The following RABEP1 variants were observed in gnomAD, a reference collection of about 807,000 sequenced individuals.
RABEP1 encodes rabaptin, RAB GTPase binding effector protein 1.
Under a neutral mutation model 123.4 loss-of-function variants are expected in RABEP1, and 51 were observed. The ratio of observed to expected loss-of-function variants is 0.41; its 90% CI spans 0.33 to 0.52. The LOEUF (loss-of-function observed/expected upper bound fraction) is 0.52. Ranked by LOEUF, RABEP1 falls within the 20% of genes least tolerant of loss-of-function variation. The pLI is 0.16. For synonymous variants in RABEP1, 347 were observed against 355.2 expected (o/e 0.98, Z 0.26); for missense variants, 888 against 996.3 (o/e 0.89, Z 1.46).
intron 2 of RABEP1, among the ~76,000 whole-genome samples, chr17:5,329,636 ATCTT>A (rs576078781): frequency 1.3e-3 from 197 of 152,280 alleles, no homozygotes; most frequent in African/African-American, 4.5e-3. Context: ...ATGTTTGAAA[ATCTT>A]AATAATTACA....
intron 2 of RABEP1, among the ~76,000 whole-genome samples, chr17:5,330,669 CT>C (rs1906442813): frequency 6.6e-6 from 1 of 152,000 alleles, no homozygotes; most frequent in African/African-American, 2.4e-5. Context: ...GAAATTGATA[CT>C]TTTACAAAGA....
At chr17:5,325,911 A>G (rs983823279) in intron 2 of RABEP1, among the ~76,000 whole-genome samples, 2 of 152,202 alleles carry the variant, frequency 1.3e-5, no homozygotes, top group Non-Finnish European at 2.9e-5. Context: ...ACACCTCACT[A>G]AAGAGTCTAT....
At chr17:5,351,525 G>A (rs1908551091) in intron 7 of RABEP1, among the ~76,000 whole-genome samples, 1 of 152,124 alleles carries the variant, frequency 6.6e-6, no homozygotes, top group African/African-American at 2.4e-5. Flanking sequence ...GCAGGGCATG[G>A]TAGCTTATGT....
intron 1 of RABEP1, among the ~76,000 whole-genome samples, chr17:5,283,169 A>G (rs889546587): frequency 1.3e-5 from 2 of 152,098 alleles, no homozygotes; most frequent in Admixed American, 6.6e-5. Flanking sequence ...TCATGCCTTT[A>G]TATTTTATCT....
intron 12 of RABEP1, chr17:5,371,379 C>A (rs903321889): frequency 6.6e-6 from 1 of 152,210 alleles, no homozygotes; most frequent in Non-Finnish European, 1.5e-5. Context: ...GCTCCATTTC[C>A]ATTCCCTGTC....
intron 1 of RABEP1, chr17:5,284,122 G>A (rs2074954706): frequency 6.6e-6 from 1 of 152,206 alleles, no homozygotes; most frequent in East Asian, 1.9e-4. Flanking sequence ...GGAAAGAAAC[G>A]TCTAGGGCAG....
chr17:5,308,753 C>T lies in RABEP1; in HGVS notation c.94C>T (p.Gln32Ter). The T allele has an allele frequency of 6.2e-7, 1 of 1,612,248 alleles. No homozygotes were observed. The highest frequency in any genetic ancestry group is 1.1e-5 in the South Asian group (1 of 90,758). The change falls in exon 2 of 18, where the codon CAA becomes TAA. Residue 32 changes from glutamine to a stop codon, truncating the protein, a stop_gained. Transcript: ENST00000537505. LOFTEE classifies it high-confidence loss of function. ...AATTAATGCAGAATTTTTACGTGCA[C>T]AACAGCAGCTTGAACAAGAATTTAA... The part of the protein sequence containing the change: ...EKINAEFLRA[Q>*]QQLEQEFNQK...
rs1050263308 is a variant in RABEP1, at chr17:5,322,526, A to G, written c.164-9423A>G. 3.9e-5 allele frequency among the ~76,000 whole-genome samples: 6 copies of G among 152,304 alleles called. No individual in the cohort carries two copies. The East Asian group carries it at 7.7e-4, about 20-fold the overall frequency. ...GATGGGTGAGAGAGACTGCAATACA[A>G]TAATAGAGGACTTTGTCACTCCACT... is the stretch of plus-strand genomic sequence containing the variant. On this transcript the variant is annotated intron_variant, in intron 2 of 17. Transcript: ENST00000537505.
chr17:5,322,647 G>A (rs908831245), intron 2 of RABEP1, among the ~76,000 whole-genome samples: 11 of 152,084 alleles, frequency 7.2e-5, no homozygotes, highest in Admixed American at 4.6e-4. Flanking sequence ...AAAAATACTA[G>A]CAAGCTGAAT....
chr17:5,320,857 A>C (rs2075348838), intron 2 of RABEP1, among the ~76,000 whole-genome samples: 1 of 152,232 alleles, frequency 6.6e-6, no homozygotes, highest in Non-Finnish European at 1.5e-5. Context: ...AGAAGAGAGG[A>C]GTTACAAAAC....
chr17:5,379,319 CTGAG>C (rs1911256237), intron 15 of RABEP1, among the ~76,000 whole-genome samples: 1 of 152,224 alleles, frequency 6.6e-6, no homozygotes, highest in Non-Finnish European at 1.5e-5. Flanking sequence ...GGTGCTTTGA[CTGAG>C]TATCTCCGAC....
At chr17:5,327,379 A>G (rs1001867437) in intron 2 of RABEP1, among the ~76,000 whole-genome samples, 12 of 151,998 alleles carry the variant, frequency 7.9e-5, no homozygotes, top group African/African-American at 2.7e-4. Flanking sequence ...AAAACAAACA[A>G]AACCCAAAAA....
chr17:5,345,387 G>T (rs12601720), intron 5 of RABEP1, among the ~76,000 whole-genome samples: 19,783 of 152,090 alleles, frequency 0.13, 1,335 homozygotes, highest in East Asian at 0.18. Flanking sequence ...TGTTGGTTTT[G>T]GTCATTCCAG....
chr17:5,294,898 G>A (rs540639890), intron 1 of RABEP1, among the ~76,000 whole-genome samples: 11 of 150,946 alleles, frequency 7.3e-5, no homozygotes, highest in Middle Eastern at 3.4e-3. Context: ...TGCCGGCCTC[G>A]GCCTCCCAAA....
At chr17:5,296,490 A>C (rs956123185) in intron 1 of RABEP1, among the ~76,000 whole-genome samples, 9 of 151,994 alleles carry the variant, frequency 5.9e-5, no homozygotes, top group Non-Finnish European at 8.8e-5. Context: ...CAAACTCCCA[A>C]CCTCAGGTAA....
intron 1 of RABEP1, among the ~76,000 whole-genome samples, chr17:5,297,253 T>C (rs1339252077): frequency 6.6e-6 from 1 of 152,200 alleles, no homozygotes; most frequent in Non-Finnish European, 1.5e-5. Context: ...ACCATTCTGA[T>C]ATAAAATTGT....
chr17:5,355,324 G>A (rs1908922786), intron 8 of RABEP1, among the ~76,000 whole-genome samples: 1 of 152,076 alleles, frequency 6.6e-6, no homozygotes, highest in East Asian at 1.9e-4. Flanking sequence ...TCCTCCCATT[G>A]CCTTTCTGAG....
Position 5,310,812 on chromosome 17 carries a change from A to ATT in RABEP1, c.163+2004_163+2005dup, listed in dbSNP as rs57691824. On this transcript the variant is annotated intron_variant, in intron 2 of 17. Coordinates refer to ENST00000537505, the MANE Select transcript of RABEP1 (RefSeq NM_004703.6). ...ACTTGAGTGTGCATTTGTTTCATTC[A>ATT]TTTTTTTTTTTTTTTGAGACCGAGT... Among the ~76,000 whole-genome samples the ATT allele has an allele frequency of 3.6e-4, 49 of 137,242 alleles. 1 individual carries two copies. The highest frequency in any genetic ancestry group is 7.4e-3 in the Middle Eastern group (2 of 270). 90.0% of individuals were successfully genotyped at this position (137,242 alleles called of 152,430 possible).
intron 2 of RABEP1, among the ~76,000 whole-genome samples, chr17:5,309,378 G>T (rs186125765): frequency 6.6e-6 from 1 of 152,108 alleles, no homozygotes. Context: ...GGCTGGGCGC[G>T]GTGGCTCACA....
Sources: gnomAD v4.1 joint callset for allele counts (sites outside exome capture counted in the v4.1 genomes callset) on GRCh38, gnomAD v4.1.1 for gene constraint, MANE v1.5 for transcripts, NCBI Gene and HGNC (gene_info 2026-07-23, HGNC 2026-07-21) for gene names.